Variants in ANPEP observed in about 807,000 individuals in gnomAD.
ANPEP encodes aminopeptidase N.
Under a neutral mutation model 114.6 loss-of-function variants are expected in ANPEP, and 70 were observed. The ratio of observed to expected loss-of-function variants is 0.61; its 90% CI spans 0.50 to 0.75. The LOEUF (loss-of-function observed/expected upper bound fraction) is 0.75, where lower values mean the gene tolerates loss of function less well. Among genes scored for constraint, ANPEP ranks in the 30% least tolerant of loss-of-function variants. ANPEP has a pLI of 0.00. For synonymous variants in ANPEP, 548 were observed against 522.3 expected (o/e 1.05, Z -0.67); for missense variants, 1,184 against 1,259.5 (o/e 0.94, Z 0.91).
rs768731006 is a variant in ANPEP, at chr15:89,799,468, C to A, written c.1911G>T (p.Glu637Asp). 6.2e-7 allele frequency: 1 copy of A among 1,614,078 alleles called. No individual in the cohort carries two copies. The highest frequency in any genetic ancestry group is 1.3e-5 in the African/African-American group (1 of 74,916). Reference sequence around the variant, plus strand: ...GCTGAGTCTGAATCTTCCTCCAGTTCTCTTCGTCGTAGTTCACCCGGTAAT... The same window carrying A: ...GCTGAGTCTGAATCTTCCTCCAGTTATCTTCGTCGTAGTTCACCCGGTAAT... ...TGYYRVNYDE[E>D]NWRKIQTQLQ... Residue 637 changes from glutamate to aspartate, a missense_variant, in exon 13 of 21, where the codon GAG (glutamate) becomes GAT (aspartate). Physicochemically the swap from Glu to Asp is conservative, Grantham distance 45. Transcript: ENST00000300060. The surrounding 1 kb of genome is among the most constrained non-coding windows in gnomAD (Gnocchi z 4.2).
intron 10 of ANPEP, among the ~76,000 whole-genome samples, chr15:89,801,921 A>T (rs1012494667): frequency 2.2e-4 from 34 of 152,126 alleles, no homozygotes; most frequent in Admixed American, 2.2e-3. Flanking sequence ...CACTGGGAGG[A>T]GGACAAGAAA....
rs1163547635 is a variant in ANPEP at position 89,804,623 on chromosome 15, A to G, written c.898-6T>C. The stretch of plus-strand genomic sequence containing the variant: ...GGCCGGGCCCAGATCCGGATCTGCA[A>G]GGTGTGAGGAAGAAGCAGACCAGGG... On this transcript the variant is annotated splice_polypyrimidine_tract_variant and splice_region_variant and intron_variant, in intron 4 of 20. Transcript: ENST00000300060. 2.5e-6 allele frequency: 4 copies of G among 1,613,016 alleles called. No homozygotes were observed. Among genetic ancestry groups the G allele is most frequent in the East Asian group, 2.2e-5 (1 of 44,826 alleles).
chr15:89,798,160 T>C (rs1272592677), intron 14 of ANPEP, among the ~76,000 whole-genome samples: 1 of 152,238 alleles, frequency 6.6e-6, no homozygotes, highest in African/African-American at 2.4e-5. Flanking sequence ...TCTGTACACA[T>C]TTAGCTCACA....
In ANPEP at chr15:89,806,529, C is replaced by A; in HGVS notation, c.55G>T (p.Gly19Cys). The change falls in exon 2 of 21, where the codon GGC (glycine) becomes TGC (cysteine). Residue 19 changes from glycine (G) to cysteine (C), a missense_variant. By Grantham distance (159) the Gly-to-Cys change is radical. Coordinates refer to ENST00000300060, the MANE Select transcript of ANPEP (RefSeq NM_001150.3). This position sits in a 1 kb window ranked among gnomAD's most constrained non-coding sequence, Gnocchi z 5.7. ...KSLGILGILL[G>C]VAAVCTIIAL... is the part of the protein sequence containing the mutation. ...ATGATTGTGCACACGGCTGCCACGC[C>A]CAGGAGGATCCCCAGGATGCCCAGG... is the stretch of plus-strand genomic sequence containing the variant. The A allele has an allele frequency of 6.2e-7, 1 of 1,612,918 alleles. No homozygotes were observed. Among genetic ancestry groups the A allele is most frequent in the Non-Finnish European group, 8.5e-7 (1 of 1,179,148 alleles).
At chr15:89,808,958 T>C (rs552040201) in intron 1 of ANPEP, among the ~76,000 whole-genome samples, 1 of 152,188 alleles carries the variant, frequency 6.6e-6, no homozygotes, top group African/African-American at 2.4e-5. Context: ...CCTTTGAGAC[T>C]GAGGGTGTTC....
chr15:89,787,379 T>C (rs8036014), intron 20 of ANPEP, among the ~76,000 whole-genome samples: 2,502 of 152,290 alleles, frequency 0.016, 60 homozygotes, highest in African/African-American at 0.051. Context: ...GTCAGGTCTT[T>C]TGTGGGTTTG....
chr15:89,791,195 A>T, intron 18 of ANPEP, 102 bp from the exon 19 acceptor site: 1 of 1,361,994 alleles, frequency 7.3e-7, no homozygotes. Context: ...TCCTCTCAAC[A>T]TCCCCTCGGC....
At chr15:89,792,939 C>CA in intron 16 of ANPEP, 96 bp downstream of exon 16, 1 of 1,108,002 alleles carries the variant, frequency 9.0e-7, no homozygotes, top group Non-Finnish European at 1.4e-6. Flanking sequence ...CCTGGTGCCC[C>CA]CGCATTGAGA....
chr15:89,790,630 T>A (rs1968602898), intron 19 of ANPEP, 89 bp from the exon 20 acceptor site: 7 of 1,210,762 alleles, frequency 5.8e-6, no homozygotes, highest in Non-Finnish European at 8.5e-6. Flanking sequence ...GCCATGATTA[T>A]AGAGGAGATG....
Position 89,797,696 on chromosome 15 carries a change from G to A in ANPEP, c.2036C>T (p.Ala679Val), listed in dbSNP as rs373325407. Residue 679 changes from alanine (A) to valine (V), a missense_variant, in exon 15 of 21, where the codon GCG (alanine) becomes GTG (valine). Ala to Val is a moderately conservative substitution (Grantham distance 64). Coordinates refer to ENST00000300060, the MANE Select transcript of ANPEP (RefSeq NM_001150.3). ...ASAHKVPVTLALNNTLFLIEE... is the reference protein window; with the variant it reads ...ASAHKVPVTLVLNNTLFLIEE... ...AATCAGGAAGAGGGTGTTGTTCAGC[G>A]CCAGAGTGACAGGGACCTTATGGGC... The A allele has an allele frequency of 8.1e-6, 13 of 1,614,124 alleles. No homozygotes were observed. Among genetic ancestry groups the A allele is most frequent in the South Asian group, 1.1e-5 (1 of 91,078 alleles).
chr15:89,810,237 G>C (rs1165189188), intron 1 of ANPEP, among the ~76,000 whole-genome samples: 1 of 152,090 alleles, frequency 6.6e-6, no homozygotes, highest in Admixed American at 6.6e-5. Context: ...AAATTAGCTG[G>C]GCATGGTAGC....
At chr15:89,789,666 G>A (rs945784966) in intron 20 of ANPEP, among the ~76,000 whole-genome samples, 5 of 151,240 alleles carry the variant, frequency 3.3e-5, no homozygotes, top group Non-Finnish European at 5.9e-5. Flanking sequence ...CCAGCTACTC[G>A]GGAAGCTGAG....
chr15:89,796,837 G>A (rs1425873291), intron 15 of ANPEP, among the ~76,000 whole-genome samples: 1 of 152,084 alleles, frequency 6.6e-6, no homozygotes, highest in Non-Finnish European at 1.5e-5. Context: ...ATCTCTTCAA[G>A]CATGATTTAA....
intron 1 of ANPEP, among the ~76,000 whole-genome samples, chr15:89,808,244 G>A (rs545071142): frequency 7.2e-5 from 11 of 152,196 alleles, no homozygotes; most frequent in Non-Finnish European, 1.3e-4. Flanking sequence ...CTTCCCTATT[G>A]CCTTGGTTAA....
chr15:89,806,288 C>T lies in ANPEP; in HGVS notation c.296G>A (p.Gly99Asp), dbSNP rs773320516. The change falls in exon 2 of 21, where the codon GGC becomes GAC. Residue 99 changes from glycine (G) to aspartate (D), a missense_variant. Physicochemically the swap from Gly to Asp is moderately conservative, Grantham distance 94. Transcript: ENST00000300060. The surrounding 1 kb of genome is among the most constrained non-coding windows in gnomAD (Gnocchi z 5.7). ...LRPYLTPNDR[G>D]LYVFKGSSTV... The stretch of plus-strand genomic sequence containing the variant: ...GCTGGAGCCCTTAAAAACGTACAGG[C>T]CCCTGTCATTGGGGGTGAGGTACGG... 6 of 1,614,140 alleles carry T rather than the reference C, an allele frequency of 3.7e-6. No homozygotes were observed. In the South Asian group the frequency reaches 4.4e-5, roughly 12 times the overall value.
chr15:89,796,222 A>G (rs1968723501), intron 15 of ANPEP, among the ~76,000 whole-genome samples: 1 of 152,244 alleles, frequency 6.6e-6, no homozygotes, highest in South Asian at 2.1e-4. Flanking sequence ...TCTCTAAACA[A>G]ACAAACAAAA....
In ANPEP at chr15:89,806,594, G is replaced by C. The variant is rs772628006; in HGVS notation, c.-11C>G. On this transcript the variant is annotated 5_prime_UTR_variant, in exon 2 of 21. Transcript: ENST00000300060. The surrounding 1 kb of genome is among the most constrained non-coding windows in gnomAD (Gnocchi z 5.7). ...GAAGCCCTTGGCCATGGTGATGGTG[G>C]GGAGGCGGCTCAGGGAGCCTCAGGC... 73 of 1,576,372 alleles carry C rather than the reference G, an allele frequency of 4.6e-5. No homozygotes were observed. Among genetic ancestry groups the C allele is most frequent in the Non-Finnish European group, 6.0e-5 (69 of 1,158,960 alleles).
intron 14 of ANPEP, 39 bp from the exon 15 acceptor site, chr15:89,797,761 C>T (rs773514871): frequency 5.0e-6 from 8 of 1,611,970 alleles, no homozygotes; most frequent in Non-Finnish European, 5.9e-6. Flanking sequence ...AGCACCTCCA[C>T]CCAGCCCAGC....
At chr15:89,809,720 T>C (rs1306797361) in intron 1 of ANPEP, among the ~76,000 whole-genome samples, 1 of 152,240 alleles carries the variant, frequency 6.6e-6, no homozygotes, top group Non-Finnish European at 1.5e-5. Context: ...AGCAGAGGGC[T>C]CTGCCTAAGA....
Sources: allele counts gnomAD v4.1 joint callset (sites outside exome capture counted in the v4.1 genomes callset), GRCh38; gene constraint gnomAD v4.1.1; non-coding constraint Gnocchi (gnomAD v3.1); transcripts MANE v1.5; gene names NCBI Gene and HGNC (gene_info 2026-07-23, HGNC 2026-07-21).